RFTN2: variants seen among roughly 807,000 people sequenced by gnomAD.
RFTN2 encodes raftlin family member 2.
Under a neutral mutation model 52.7 loss-of-function variants are expected in RFTN2, and 34 were observed. The observed-to-expected ratio is 0.64, with a 90% CI of 0.49 to 0.86. The LOEUF is 0.86. RFTN2 is among the 40% of genes least tolerant of loss of function. The pLI is 0.00. For missense variants in RFTN2, 536 were observed against 600.1 expected, an observed-to-expected ratio of 0.89 and a Z score of 1.12; for synonymous variants, 203 against 217.7, an observed-to-expected ratio of 0.93 and a Z score of 0.59.
At chr2:197,634,990 C>G (rs976172641) in intron 3 of RFTN2, among the ~76,000 whole-genome samples, 18 of 107,346 alleles carry the variant, frequency 1.7e-4, no homozygotes, top group African/African-American at 5.8e-4. Context: ...TGCGGTGTTT[C>G]GTTTTTTGTT....
At chr2:197,583,129 A>T (rs546652791) in intron 8 of RFTN2, among the ~76,000 whole-genome samples, 24 of 152,260 alleles carry the variant, frequency 1.6e-4, no homozygotes, top group African/African-American at 5.8e-4. Flanking sequence ...TTTCCTTTCC[A>T]TCATGGAAAT....
chr2:197,588,426 G>A (rs575333390), intron 8 of RFTN2, among the ~76,000 whole-genome samples: 2 of 152,350 alleles, frequency 1.3e-5, no homozygotes, highest in Non-Finnish European at 2.9e-5. Context: ...AGTTGCCCCA[G>A]TTGGTCTCAA....
rs2088752813 is a variant in RFTN2, at chr2:197,646,576, C to T, written c.230G>A (p.Gly77Glu). 1 of 1,612,444 alleles carries T rather than the reference C, an allele frequency of 6.2e-7. No individual in the cohort carries two copies. The change falls in exon 2 of 9, where the codon GGG (glycine) becomes GAG (glutamate). Residue 77 changes from glycine to glutamate, a missense_variant. Physicochemically the swap from Gly to Glu is moderately conservative, Grantham distance 98. Coordinates refer to ENST00000295049, the MANE Select transcript of RFTN2 (RefSeq NM_144629.3). Reference protein sequence around the residue: ...ENYYLKGYIVGAIHPVIQPVG... With the variant: ...ENYYLKGYIVEAIHPVIQPVG... ...AGGTTGTATAACAGGATGAATAGCC[C>T]CGACAATATATCCTTTAAGATAATA... is the stretch of plus-strand genomic sequence containing the variant.
intron 7 of RFTN2, among the ~76,000 whole-genome samples, chr2:197,603,468 G>C (rs940960756): frequency 6.6e-6 from 1 of 152,182 alleles, no homozygotes; most frequent in African/African-American, 2.4e-5. Context: ...TATAGGTAGA[G>C]ATTTTTTAAA....
intron 5 of RFTN2, among the ~76,000 whole-genome samples, chr2:197,624,270 G>A (rs751178001): frequency 9.9e-5 from 15 of 152,040 alleles, no homozygotes; most frequent in Non-Finnish European, 1.9e-4. Flanking sequence ...TTAAAATGCC[G>A]TCAAACAGCA....
intron 8 of RFTN2, 38 bp downstream of exon 8, chr2:197,595,953 A>G (rs761108489): frequency 2.3e-6 from 3 of 1,283,254 alleles, no homozygotes; most frequent in Non-Finnish European, 3.4e-6. Context: ...AAATGCTTCA[A>G]TATAACATTC....
chr2:197,580,596 C>G (rs908750481), intron 8 of RFTN2, among the ~76,000 whole-genome samples: 1 of 152,240 alleles, frequency 6.6e-6, no homozygotes, highest in Non-Finnish European at 1.5e-5. Context: ...AAGGCTGATG[C>G]TGCCTGATCA....
chr2:197,617,536 T>C (rs989737179), intron 6 of RFTN2, among the ~76,000 whole-genome samples: 1 of 151,754 alleles, frequency 6.6e-6, no homozygotes, highest in Non-Finnish European at 1.5e-5. Context: ...AAAAATTAGA[T>C]GAGTATGGTG....
chr2:197,576,898 C>G (rs1486578314), intron 8 of RFTN2, among the ~76,000 whole-genome samples: 2 of 152,112 alleles, frequency 1.3e-5, no homozygotes, highest in Non-Finnish European at 2.9e-5. Context: ...CCCAAAATCA[C>G]CAAGCTAAAA....
chr2:197,650,803 T>C (rs975808330), intron 1 of RFTN2, among the ~76,000 whole-genome samples: 7 of 152,238 alleles, frequency 4.6e-5, no homozygotes, highest in African/African-American at 1.7e-4. Context: ...TTTAAATACA[T>C]GCCCAGAAGT....
chr2:197,657,936 G>A (rs951799203), intron 1 of RFTN2, among the ~76,000 whole-genome samples: 3 of 152,086 alleles, frequency 2.0e-5, no homozygotes, highest in Non-Finnish European at 4.4e-5. Flanking sequence ...AGGGCTGTTA[G>A]GAACTTGCTA....
At chr2:197,630,958 T>A in intron 5 of RFTN2, 53 bp downstream of exon 5, 1 of 1,224,176 alleles carries the variant, frequency 8.2e-7, no homozygotes, top group African/African-American at 1.5e-5. Flanking sequence ...TTCACTGATT[T>A]TGATACAAGT....
At chr2:197,586,871 GA>G (rs2087608008) in intron 8 of RFTN2, among the ~76,000 whole-genome samples, 1 of 152,098 alleles carries the variant, frequency 6.6e-6, no homozygotes, top group African/African-American at 2.4e-5. Flanking sequence ...ATTTTTTAAA[GA>G]AGAGTGTTGT....
At chr2:197,605,302 G>A (rs975919523) in intron 7 of RFTN2, among the ~76,000 whole-genome samples, 22 of 151,124 alleles carry the variant, frequency 1.5e-4, no homozygotes, top group African/African-American at 3.6e-4. Context: ...TGCCAGCTCC[G>A]CCTCCCGGGT....
At chr2:197,661,490 A>G (rs758560134) in intron 1 of RFTN2, among the ~76,000 whole-genome samples, 9 of 152,150 alleles carry the variant, frequency 5.9e-5, no homozygotes, top group South Asian at 2.1e-4. Flanking sequence ...ATGGCTGAAT[A>G]GTATTCCACC....
At chr2:197,603,936 A>G (rs1201646776) in intron 7 of RFTN2, among the ~76,000 whole-genome samples, 1 of 151,996 alleles carries the variant, frequency 6.6e-6, no homozygotes. Context: ...CAAAAAAGCA[A>G]AAACAAAAAA....
chr2:197,673,915 A>G (rs931271716), intron 1 of RFTN2, among the ~76,000 whole-genome samples: 9 of 152,200 alleles, frequency 5.9e-5, no homozygotes, highest in Non-Finnish European at 1.0e-4. Flanking sequence ...TTTCAAGGTT[A>G]AGGAGAGTAT....
chr2:197,652,551 C>G (rs2088839991), intron 1 of RFTN2, among the ~76,000 whole-genome samples: 1 of 152,042 alleles, frequency 6.6e-6, no homozygotes, highest in South Asian at 2.1e-4. Context: ...TAATGAAATA[C>G]TTATGTTTAA....
At chr2:197,589,925 G>T (rs553366356) in intron 8 of RFTN2, among the ~76,000 whole-genome samples, 1 of 149,740 alleles carries the variant, frequency 6.7e-6, no homozygotes, top group Admixed American at 6.6e-5. Flanking sequence ...CTTTTTTTTT[G>T]AGACAAGGTC....
Sources: allele counts gnomAD v4.1 joint callset (sites outside exome capture counted in the v4.1 genomes callset), GRCh38; gene constraint gnomAD v4.1.1; transcripts MANE v1.5; gene names NCBI Gene and HGNC (gene_info 2026-07-23, HGNC 2026-07-21).